PLXNA2: variants seen among roughly 807,000 people sequenced by gnomAD.
PLXNA2 encodes plexin A2, also known as plexin-A2.
In PLXNA2, 91 loss-of-function variants were observed where a neutral mutation model predicts 193.5. That is an observed-to-expected ratio of 0.47 (90% CI 0.40 to 0.56). The LOEUF is 0.56. Ranked by LOEUF, PLXNA2 falls within the 20% of genes least tolerant of loss-of-function variation. PLXNA2 has a pLI of 0.00. For synonymous variants in PLXNA2, 997 were observed against 1,027.3 expected (o/e 0.97, Z 0.56); for missense variants, 1,995 against 2,503.2 (o/e 0.80, Z 4.33).
intron 9 of PLXNA2, among the ~76,000 whole-genome samples, chr1:208,091,357 T>C (rs997783851): frequency 1.3e-5 from 2 of 152,238 alleles, no homozygotes; most frequent in African/African-American, 4.8e-5. Context: ...CCAGCACTGC[T>C]ATCAAGATTA....
intron 26 of PLXNA2, among the ~76,000 whole-genome samples, chr1:208,035,308 A>G (rs1422224948): frequency 6.6e-6 from 1 of 152,174 alleles, no homozygotes; most frequent in Non-Finnish European, 1.5e-5. Context: ...TATATATTCT[A>G]ACTTGGAATT....
intron 3 of PLXNA2, among the ~76,000 whole-genome samples, chr1:208,150,383 C>T (rs1668721413): frequency 6.6e-6 from 1 of 152,066 alleles, no homozygotes; most frequent in South Asian, 2.1e-4. Flanking sequence ...GTGCATGGGG[C>T]TAGAGAGTCC....
intron 10 of PLXNA2, among the ~76,000 whole-genome samples, chr1:208,083,836 C>T (rs1310417127): frequency 1.3e-5 from 2 of 152,112 alleles, no homozygotes; most frequent in South Asian, 2.1e-4. Context: ...CACCTCCCCT[C>T]CTCCCATCTC....
chr1:208,044,664 C>G lies in PLXNA2; in HGVS notation c.3718G>C (p.Val1240Leu). The G allele has an allele frequency of 6.2e-7, 1 of 1,614,074 alleles. No individual in the cohort carries two copies. Among genetic ancestry groups the G allele is most frequent in the Non-Finnish European group, 8.5e-7 (1 of 1,180,008 alleles). ...SDSLLTLPAI[V>L]SIAAGGSLLL... Reference sequence around the variant, plus strand: ...AGGCTGCCGCCGGCCGCGATGCTGACGATGGCTGGCAGGGTCAGCAAGCTG... The same window carrying G: ...AGGCTGCCGCCGGCCGCGATGCTGAGGATGGCTGGCAGGGTCAGCAAGCTG... Residue 1240 changes from valine to leucine, a missense_variant, in exon 20 of 32, where the codon GTC becomes CTC. Val to Leu is a conservative substitution (Grantham distance 32). Transcript: ENST00000367033. This position sits in a 1 kb window ranked among gnomAD's most constrained non-coding sequence, Gnocchi z 4.9.
intron 3 of PLXNA2, among the ~76,000 whole-genome samples, chr1:208,200,421 G>A (rs1198453568): frequency 6.6e-6 from 1 of 152,070 alleles, no homozygotes; most frequent in Non-Finnish European, 1.5e-5. Flanking sequence ...AAGTGACTTA[G>A]GTATATGCTG....
At chr1:208,235,996 AG>A (rs1671839589) in intron 1 of PLXNA2, among the ~76,000 whole-genome samples, 1 of 152,132 alleles carries the variant, frequency 6.6e-6, no homozygotes, top group African/African-American at 2.4e-5. Context: ...CTTGTTAGAA[AG>A]TTTTAAGCAG....
At chr1:208,059,276 T>A (rs1367731720) in intron 13 of PLXNA2, among the ~76,000 whole-genome samples, 1 of 152,234 alleles carries the variant, frequency 6.6e-6, no homozygotes, top group African/African-American at 2.4e-5. Context: ...TTCCTTTCCC[T>A]TTTTCCATCT....
chr1:208,229,819 T>C (rs1488853053), intron 1 of PLXNA2, among the ~76,000 whole-genome samples: 1 of 152,158 alleles, frequency 6.6e-6, no homozygotes, highest in Non-Finnish European at 1.5e-5. Context: ...ATTCACAATA[T>C]AAAGTGATGA....
At position 208,043,715 on chromosome 1, in the gene PLXNA2, C is replaced by T. The variant is rs1393708350; in HGVS notation, c.3875-512G>A. On this transcript the variant is annotated intron_variant, in intron 20 of 31. Transcript: ENST00000367033. The stretch of plus-strand genomic sequence containing the variant: ...CCTTGGTGGTGGCACACCTGTCTTC[C>T]TGGCTCCTTCCTCTGCCAAACTCAC... 3.3e-5 allele frequency among the ~76,000 whole-genome samples: 5 copies of T among 152,228 alleles called. No individual in the cohort carries two copies. In the South Asian group the frequency reaches 1.0e-3, roughly 32 times the overall value.
chr1:208,051,960 C>T (rs545108766), intron 15 of PLXNA2, among the ~76,000 whole-genome samples: 1 of 152,276 alleles, frequency 6.6e-6, no homozygotes, highest in Admixed American at 6.5e-5. Context: ...ATTCCCTAAG[C>T]ATAAGTCTGT....
chr1:208,082,195 C>T lies in PLXNA2; in HGVS notation c.2395+217G>A, dbSNP rs1400631464. Among the ~76,000 whole-genome samples, 1 of 152,308 alleles carries T rather than the reference C, an allele frequency of 6.6e-6. No individual in the cohort carries two copies. Among genetic ancestry groups the T allele is most frequent in the East Asian group, 1.9e-4 (1 of 5,186 alleles). ...CCAAAGAATAACGTGGATGGGCCGG[C>T]GGCCGCCCAGCGGATGCTCTGGTTG... is the stretch of plus-strand genomic sequence containing the variant. On this transcript the variant is annotated intron_variant, in intron 11 of 31. Transcript: ENST00000367033. This position sits in a 1 kb window ranked among gnomAD's most constrained non-coding sequence, Gnocchi z 4.2.
In PLXNA2 at chr1:208,223,910, G is replaced by A. The variant is rs534697651; in HGVS notation, c.-80-5908C>T. On this transcript the variant is annotated intron_variant, in intron 1 of 31. Transcript: ENST00000367033. ...GGAATCAGTTTACCTAGAGGCAGGGGATTGGTCCCAATGATCTCAGAAGGC... is the reference window on the plus strand; with the variant it reads ...GGAATCAGTTTACCTAGAGGCAGGGAATTGGTCCCAATGATCTCAGAAGGC... Among the ~76,000 whole-genome samples, 16 of 152,338 alleles carry A rather than the reference G, an allele frequency of 1.1e-4. No individual in the cohort carries two copies. The East Asian group carries it at 2.9e-3, about 28-fold the overall frequency.
intron 3 of PLXNA2, among the ~76,000 whole-genome samples, chr1:208,208,553 G>A (rs1308475567): frequency 6.6e-6 from 1 of 152,206 alleles, no homozygotes; most frequent in Non-Finnish European, 1.5e-5. Flanking sequence ...AGGGGAAGAA[G>A]GGAACAGTCC....
intron 3 of PLXNA2, among the ~76,000 whole-genome samples, chr1:208,173,808 C>G (rs1277467933): frequency 2.0e-5 from 3 of 152,240 alleles, no homozygotes; most frequent in Admixed American, 6.5e-5. Flanking sequence ...AATTAATCCT[C>G]TCATTACCAG....
At chr1:208,181,391 C>T (rs560731698) in intron 3 of PLXNA2, among the ~76,000 whole-genome samples, 5 of 152,346 alleles carry the variant, frequency 3.3e-5, no homozygotes, top group African/African-American at 1.2e-4. Context: ...AGAGCACATG[C>T]TCCAAATCAC....
At chr1:208,170,460 A>G (rs190362350) in intron 3 of PLXNA2, among the ~76,000 whole-genome samples, 1 of 152,264 alleles carries the variant, frequency 6.6e-6, no homozygotes, top group African/African-American at 2.4e-5. Context: ...CCAGGAGGAG[A>G]GGCACAGCCA....
At chr1:208,067,943 C>T (rs1270678612) in intron 12 of PLXNA2, among the ~76,000 whole-genome samples, 1 of 152,076 alleles carries the variant, frequency 6.6e-6, no homozygotes, top group Admixed American at 6.5e-5. Flanking sequence ...TGACAAATGC[C>T]TACCCATCCT....
chr1:208,198,025 G>A (rs907456732), intron 3 of PLXNA2, among the ~76,000 whole-genome samples: 7 of 152,114 alleles, frequency 4.6e-5, no homozygotes, highest in African/African-American at 9.7e-5. Context: ...AAAAAGACAC[G>A]CCACATCGGA....
In PLXNA2 at chr1:208,042,109, C is replaced by T; in HGVS notation, c.4275G>A (p.Leu1425=). 1 of 1,613,866 alleles carries T rather than the reference C, an allele frequency of 6.2e-7. No homozygotes were observed. Among genetic ancestry groups the T allele is most frequent in the East Asian group, 2.2e-5 (1 of 44,870 alleles). ...KNLENKNHPK[L]LLRRTESVAE... is the part of the protein sequence containing the mutation. ...GCTGCGGGCCAGACCTCCGGAGTAG[C>T]AGCTTGGGGTGGTTCTTGTTCTCCA... Residue 1425 remains leucine (L), a synonymous_variant, in exon 22 of 32, where the codon CTG becomes CTA. Transcript: ENST00000367033.
Sources: gnomAD v4.1 joint callset for allele counts (sites outside exome capture counted in the v4.1 genomes callset) on GRCh38, gnomAD v4.1.1 for gene constraint, Gnocchi (gnomAD v3.1) non-coding constraint, MANE v1.5 for transcripts, NCBI Gene and HGNC (gene_info 2026-07-23, HGNC 2026-07-21) for gene names.